GGNBP2: variants seen among roughly 807,000 people sequenced by gnomAD.
GGNBP2 encodes gametogenetin-binding protein 2.
GGNBP2 carries 10 observed loss-of-function variants against 85.9 expected under a neutral mutation model. That is an observed-to-expected ratio of 0.12 (90% CI 0.07 to 0.20). The LOEUF is 0.20. Among genes scored for constraint, GGNBP2 ranks in the 10% least tolerant of loss-of-function variants. The probability of loss-of-function intolerance (pLI) is 1.00; values close to 1 mark genes in which losing one functional copy is unlikely to be tolerated. For missense variants in GGNBP2, 595 were observed against 857.8 expected (o/e 0.69, Z 3.83); for synonymous variants, 287 against 285.7 (o/e 1.00, Z -0.05).
intron 6 of GGNBP2, among the ~76,000 whole-genome samples, chr17:36,573,760 G>GC (rs2074549528): frequency 6.6e-6 from 1 of 152,102 alleles, no homozygotes; most frequent in Non-Finnish European, 1.5e-5. Context: ...TTTTTGATGT[G>GC]CATTTTCCTG....
intron 6 of GGNBP2, chr17:36,576,629 GTATATGTATATATGTATA>G (rs1467435555): frequency 9.0e-6 from 1 of 111,082 alleles, no homozygotes; most frequent in Admixed American, 1.1e-4. Flanking sequence ...GTGTGTGTGT[GTATATGTATATATGTATA>G]TGTATATATA....
intron 5 of GGNBP2, among the ~76,000 whole-genome samples, chr17:36,565,980 A>G (rs1230576904): frequency 6.6e-6 from 1 of 152,190 alleles, no homozygotes; most frequent in Admixed American, 6.5e-5. Context: ...AAATAAGGGG[A>G]GCTAAACCTT....
At chr17:36,560,620 A>G (rs1480773849) in intron 4 of GGNBP2, among the ~76,000 whole-genome samples, 153 bp from the exon 5 acceptor site, 1 of 152,144 alleles carries the variant, frequency 6.6e-6, no homozygotes, top group Non-Finnish European at 1.5e-5. Context: ...AAATAACGTG[A>G]GTGCCAGGCA....
chr17:36,545,641 AGCG>A lies in GGNBP2; in HGVS notation c.-75_-73del. ...CAGGCAGGAGCTGGGAGGAGGCGGC[AGCG>A]GCGGCGGCAGAAACAGCAGCGGCGG... On this transcript the variant is annotated 5_prime_UTR_variant, in exon 2 of 14. Transcript: ENST00000613102. The A allele has an allele frequency of 7.5e-6, 8 of 1,062,858 alleles. No homozygotes were observed. Among genetic ancestry groups the A allele is most frequent in the African/African-American group, 1.6e-5 (1 of 63,386 alleles). The allele number at this position is 1,062,858 out of a possible 1,614,324, so 65.8% of individuals were successfully genotyped here. A position where few individuals can be genotyped will look rare whatever the true frequency, so the allele number is the denominator to read the frequency against.
chr17:36,588,145 C>A (rs1004006896), intron 13 of GGNBP2, among the ~76,000 whole-genome samples: 1 of 152,184 alleles, frequency 6.6e-6, no homozygotes. Flanking sequence ...TTTACCTGAT[C>A]CCCAACTGAC....
chr17:36,577,860 T>C (rs760745830), intron 6 of GGNBP2, 123 bp from the exon 7 acceptor site: 1 of 749,316 alleles, frequency 1.3e-6, no homozygotes, highest in African/African-American at 1.7e-5. Flanking sequence ...TTTAAATGTG[T>C]GTATGGAGGC....
At chr17:36,550,835 T>G (rs952636860) in intron 2 of GGNBP2, among the ~76,000 whole-genome samples, 3 of 152,224 alleles carry the variant, frequency 2.0e-5, no homozygotes, top group African/African-American at 7.2e-5. Context: ...TTAGGTAACC[T>G]AGAATCTCAA....
intron 5 of GGNBP2, 94 bp from the exon 6 acceptor site, chr17:36,567,569 G>A: frequency 1.5e-6 from 1 of 675,112 alleles, no homozygotes; most frequent in Admixed American, 2.5e-5. Context: ...GAACAGCCAG[G>A]TAAAAACAAG....
rs532619637 is a variant in GGNBP2 at position 36,573,385 on chromosome 17, T to C, written c.642-4598T>C. 7.2e-5 allele frequency among the ~76,000 whole-genome samples: 11 copies of C among 152,250 alleles called. 1 individual carries two copies. The East Asian group carries it at 2.1e-3, about 29-fold the overall frequency. Reference sequence around the variant, plus strand: ...GCCTCGGTCTCCCAAAGTGCTGGGATTACCGCACCTGGCTATTCACATTTC... The same window carrying C: ...GCCTCGGTCTCCCAAAGTGCTGGGACTACCGCACCTGGCTATTCACATTTC... On this transcript the variant is annotated intron_variant, in intron 6 of 13. Coordinates refer to ENST00000613102, the MANE Select transcript of GGNBP2 (RefSeq NM_024835.5).
At chr17:36,550,044 T>G (rs1439319203) in intron 2 of GGNBP2, among the ~76,000 whole-genome samples, 1 of 152,068 alleles carries the variant, frequency 6.6e-6, no homozygotes, top group East Asian at 1.9e-4. Flanking sequence ...TTCAGGTGAT[T>G]CTTGGGCCTC....
At chr17:36,560,631 C>T in intron 4 of GGNBP2, 142 bp from the exon 5 acceptor site, 1 of 501,138 alleles carries the variant, frequency 2.0e-6, no homozygotes, top group Non-Finnish European at 3.5e-6. Context: ...GTGCCAGGCA[C>T]ACTGCTAGAT....
intron 9 of GGNBP2, among the ~76,000 whole-genome samples, chr17:36,583,198 C>A (rs141132711): frequency 6.6e-6 from 1 of 152,004 alleles, no homozygotes; most frequent in African/African-American, 2.4e-5. Context: ...GGGCTACAGG[C>A]GTGTGCCACC....
At chr17:36,580,715 T>C (rs548296259) in intron 8 of GGNBP2, among the ~76,000 whole-genome samples, 1 of 147,614 alleles carries the variant, frequency 6.8e-6, no homozygotes, top group African/African-American at 2.5e-5. Context: ...AGGCCAGGAG[T>C]TCGAGACCAA....
intron 4 of GGNBP2, among the ~76,000 whole-genome samples, chr17:36,558,488 T>C (rs1268738073): frequency 6.9e-6 from 1 of 145,936 alleles, no homozygotes; most frequent in Admixed American, 6.9e-5. Context: ...AGAGTTTCAC[T>C]ATTGTTGCCC....
chr17:36,554,375 T>C, intron 2 of GGNBP2, among the ~76,000 whole-genome samples: 1 of 127,514 alleles, frequency 7.8e-6, no homozygotes, highest in African/African-American at 2.9e-5. Flanking sequence ...TTTTTTTTTT[T>C]TTTTTTTTTT....
intron 4 of GGNBP2, among the ~76,000 whole-genome samples, chr17:36,558,693 C>A (rs982099918): frequency 1.3e-5 from 2 of 151,518 alleles, no homozygotes; most frequent in African/African-American, 4.8e-5. Context: ...TGACCTCAGG[C>A]GATCTGCCCG....
chr17:36,585,788 C>A, intron 10 of GGNBP2, 52 bp from the exon 11 acceptor site: 1 of 1,522,456 alleles, frequency 6.6e-7, no homozygotes, highest in Non-Finnish European at 9.1e-7. Context: ...ACTCTTTGTC[C>A]TAATATACTT....
Position 36,545,638 on chromosome 17 carries a change from GGCAGCGGCGGCGGCAGAAACAGCA to G in GGNBP2, c.-84_-61del. On this transcript the variant is annotated 5_prime_UTR_variant, in exon 2 of 14. Transcript: ENST00000613102. The stretch of plus-strand genomic sequence containing the variant: ...TTGCAGGCAGGAGCTGGGAGGAGGC[GGCAGCGGCGGCGGCAGAAACAGCA>G]GCGGCGGCGGCGGCGGCAGCTGGGA... The G allele has an allele frequency of 3.9e-6, 4 of 1,025,598 alleles. No individual in the cohort carries two copies. The highest frequency in any genetic ancestry group is 1.4e-5 in the South Asian group (1 of 72,162). 63.5% of individuals were successfully genotyped at this position (1,025,598 alleles called of 1,614,324 possible). A position where few individuals can be genotyped will look rare whatever the true frequency, so the allele number is the denominator to read the frequency against.
At chr17:36,574,854 C>G in intron 6 of GGNBP2, 1 of 704,718 alleles carries the variant, frequency 1.4e-6, no homozygotes, top group Non-Finnish European at 2.6e-6. Context: ...TGCACAGGGA[C>G]AATAGAGAGC....
Sources: gnomAD v4.1 joint callset for allele counts (sites outside exome capture counted in the v4.1 genomes callset) on GRCh38, gnomAD v4.1.1 for gene constraint, MANE v1.5 for transcripts, NCBI Gene and HGNC (gene_info 2026-07-23, HGNC 2026-07-21) for gene names.